The following CFAP299 variants were observed in gnomAD, a reference collection of about 807,000 sequenced individuals.
CFAP299 encodes the protein cilia and flagella associated protein 299, also known as cilia- and flagella-associated protein 299.
CFAP299 carries 21 observed loss-of-function variants against 27.0 expected under a neutral mutation model. That is an observed-to-expected ratio of 0.78 (90% CI 0.55 to 1.12). The LOEUF (loss-of-function observed/expected upper bound fraction) is 1.12. Among genes scored for constraint, CFAP299 ranks in the 50% most tolerant of loss-of-function variants. The pLI is 0.00. For synonymous variants in CFAP299, 104 were observed against 98.1 expected (o/e 1.06, Z -0.36); for missense variants, 310 against 276.6 (o/e 1.12, Z -0.86).
intron 4 of CFAP299, among the ~76,000 whole-genome samples, chr4:80,910,170 A>G (rs1735396126): frequency 6.6e-6 from 1 of 152,108 alleles, no homozygotes; most frequent in African/African-American, 2.4e-5. Flanking sequence ...TATGAAAACT[A>G]GTTATTGTCA....
chr4:80,554,012 A>G (rs1359609799), intron 2 of CFAP299, among the ~76,000 whole-genome samples: 1 of 151,882 alleles, frequency 6.6e-6, no homozygotes, highest in African/African-American at 2.4e-5. Context: ...CCTATTTGTC[A>G]ATTTTTGCTT....
intron 3 of CFAP299, among the ~76,000 whole-genome samples, chr4:80,863,188 A>ACTG (rs1732489481): frequency 6.8e-6 from 1 of 147,482 alleles, no homozygotes; most frequent in South Asian, 2.2e-4. Context: ...ACAGCAACAT[A>ACTG]CTGCTTAGCA....
chr4:80,935,438 T>TA (rs1736840790), intron 4 of CFAP299, among the ~76,000 whole-genome samples: 1 of 151,972 alleles, frequency 6.6e-6, no homozygotes, highest in East Asian at 1.9e-4. Flanking sequence ...CTTTGACAAA[T>TA]ATGATTTTTT....
intron 2 of CFAP299, among the ~76,000 whole-genome samples, chr4:80,456,793 A>G (rs750213058): frequency 6.6e-6 from 1 of 152,160 alleles, no homozygotes; most frequent in Non-Finnish European, 1.5e-5. Context: ...GTAATCATGT[A>G]AATGAATAAA....
intron 4 of CFAP299, among the ~76,000 whole-genome samples, chr4:80,882,608 G>C (rs557315524): frequency 8.6e-5 from 13 of 151,632 alleles, no homozygotes; most frequent in Non-Finnish European, 1.6e-4. Flanking sequence ...GCTGCACTCA[G>C]GCTTGGGCAA....
chr4:80,492,140 A>C (rs1375769840), intron 2 of CFAP299, among the ~76,000 whole-genome samples: 1 of 152,138 alleles, frequency 6.6e-6, no homozygotes, highest in East Asian at 1.9e-4. Context: ...AAGCCTCCCG[A>C]CTTTGAGTTG....
intron 4 of CFAP299, among the ~76,000 whole-genome samples, chr4:80,873,240 A>G (rs569276788): frequency 1.3e-5 from 2 of 152,272 alleles, no homozygotes; most frequent in African/African-American, 4.8e-5. Context: ...AATATTTCAT[A>G]AAGTCTCTAT....
At chr4:80,689,039 A>C (rs1353174975) in intron 3 of CFAP299, among the ~76,000 whole-genome samples, 1 of 152,248 alleles carries the variant, frequency 6.6e-6, no homozygotes, top group African/African-American at 2.4e-5. Context: ...ATATGGGACT[A>C]TGTGAAAAGA....
Position 80,774,758 on chromosome 4 carries a change from C to T in CFAP299, c.334-95235C>T, listed in dbSNP as rs1370741547. ...GGATGATGCCATTGCAGAAAACTCT[C>T]ATGCAGATAGTTTGGCAGTATGTCT... On this transcript the variant is annotated intron_variant, in intron 3 of 5. Transcript: ENST00000358105. Among the ~76,000 whole-genome samples the T allele has an allele frequency of 3.3e-5, 5 of 152,028 alleles. No homozygotes were observed. The South Asian group carries it at 6.2e-4, about 19-fold the overall frequency.
At chr4:80,916,875 T>C (rs1735791676) in intron 4 of CFAP299, among the ~76,000 whole-genome samples, 2 of 152,050 alleles carry the variant, frequency 1.3e-5, no homozygotes, top group South Asian at 2.1e-4. Flanking sequence ...TGAAGTAATA[T>C]GTTCCATGTC....
intron 2 of CFAP299, chr4:80,387,272 T>C: frequency 6.2e-7 from 1 of 1,611,082 alleles, no homozygotes; most frequent in Non-Finnish European, 8.5e-7. Context: ...CTCCTCCTGG[T>C]GGCTCTTGAT....
In CFAP299 at chr4:80,784,690, T is replaced by C. The variant is rs1457657996; in HGVS notation, c.334-85303T>C. Reference sequence around the variant, plus strand: ...GTGCCACCACGCCCAGCTAATTTTGTATTTCTAGTGGAGACTAGAAATGGG... The same window carrying C: ...GTGCCACCACGCCCAGCTAATTTTGCATTTCTAGTGGAGACTAGAAATGGG... On this transcript the variant is annotated intron_variant, in intron 3 of 5. Coordinates refer to ENST00000358105, the MANE Select transcript of CFAP299 (RefSeq NM_152770.3). Among the ~76,000 whole-genome samples, 3 of 151,924 alleles carry C rather than the reference T, an allele frequency of 2.0e-5. No individual in the cohort carries two copies. In the East Asian group the frequency reaches 5.8e-4, roughly 29 times the overall value.
intron 3 of CFAP299, among the ~76,000 whole-genome samples, chr4:80,710,489 T>C (rs1285256814): frequency 2.4e-4 from 27 of 112,352 alleles, no homozygotes; most frequent in South Asian, 3.5e-4. Context: ...TTTTCTTTTT[T>C]TTTTTTTTTT....
At chr4:80,873,460 G>C (rs774384126) in intron 4 of CFAP299, among the ~76,000 whole-genome samples, 20 of 152,258 alleles carry the variant, frequency 1.3e-4, no homozygotes, top group Admixed American at 7.8e-4. Flanking sequence ...TTAAGATTCA[G>C]TACTTTCTTT....
At chr4:80,621,773 G>A (rs1172785788) in intron 3 of CFAP299, among the ~76,000 whole-genome samples, 1 of 152,134 alleles carries the variant, frequency 6.6e-6, no homozygotes, top group Non-Finnish European at 1.5e-5. Flanking sequence ...CTTCAAATGA[G>A]CTGTGAGTCA....
rs182403591 is a variant in CFAP299, at chr4:80,635,518, T to G, written c.333+52335T>G. Among the ~76,000 whole-genome samples, 112 of 152,302 alleles carry G rather than the reference T, an allele frequency of 7.4e-4. 1 individual carries two copies. The highest frequency in any genetic ancestry group is 2.5e-3 in the African/African-American group (106 of 41,586). On this transcript the variant is annotated intron_variant, in intron 3 of 5. Transcript: ENST00000358105. The stretch of plus-strand genomic sequence containing the variant: ...TTAAATTTTAATTTTTGTTCAAATA[T>G]AGCATTTTATTAAAATTTAAGATAA...
In CFAP299 at chr4:80,799,788, A is replaced by C. The variant is rs1417190961; in HGVS notation, c.334-70205A>C. On this transcript the variant is annotated intron_variant, in intron 3 of 5. Transcript: ENST00000358105. The stretch of plus-strand genomic sequence containing the variant: ...ATATATTATATGATATATATATTAT[A>C]TATTATATTATATAATATATAAATA... Among the ~76,000 whole-genome samples the C allele has an allele frequency of 5.0e-4, 22 of 44,124 alleles. 1 individual carries two copies. The South Asian group carries it at 0.016, about 33-fold the overall frequency. 28.9% of individuals were successfully genotyped at this position (44,124 alleles called of 152,430 possible).
chr4:80,525,675 C>T (rs1241264053), intron 2 of CFAP299, among the ~76,000 whole-genome samples: 2 of 152,152 alleles, frequency 1.3e-5, no homozygotes, highest in African/African-American at 4.8e-5. Context: ...ACTATCTCAG[C>T]GCCAGCCATC....
In CFAP299 at chr4:80,558,350, G is replaced by GTTTTT. The variant is rs1352651407; in HGVS notation, c.243-24740_243-24739insTTTTT. Among the ~76,000 whole-genome samples, 224 of 132,098 alleles carry GTTTTT rather than the reference G, an allele frequency of 1.7e-3. 10 individuals are homozygous for GTTTTT. Among genetic ancestry groups the GTTTTT allele is most frequent in the African/African-American group, 6.3e-3 (209 of 32,954 alleles). The allele number at this position is 132,098 out of a possible 152,430, so 86.7% of individuals were successfully genotyped here. On this transcript the variant is annotated intron_variant, in intron 2 of 5. Coordinates refer to ENST00000358105, the MANE Select transcript of CFAP299 (RefSeq NM_152770.3). ...GAAGACTTTTGTGGTTTTTTTGTTT[G>GTTTTT]TTTGTTTGTTTGTTTGTTTTTTTTT...
Sources: gnomAD v4.1 joint callset for allele counts (sites outside exome capture counted in the v4.1 genomes callset) on GRCh38, gnomAD v4.1.1 for gene constraint, MANE v1.5 for transcripts, NCBI Gene and HGNC (gene_info 2026-07-23, HGNC 2026-07-21) for gene names.